The following NUFIP1 variants were observed in gnomAD, a reference collection of about 807,000 sequenced individuals.
NUFIP1 encodes the protein nuclear FMR1 interacting protein 1.
A neutral mutation model predicts 56.2 loss-of-function variants in NUFIP1; 38 were observed. The observed-to-expected ratio is 0.68, with a 90% confidence interval of 0.52 to 0.89. NUFIP1 has a LOEUF of 0.89. NUFIP1 is among the 40% of genes least tolerant of loss of function. The pLI, the probability that NUFIP1 is intolerant of heterozygous loss-of-function variation, is 0.00. For synonymous variants in NUFIP1, 215 were observed against 212.4 expected, an observed-to-expected ratio of 1.01 and a Z score of -0.10; for missense variants, 567 against 605.8, an observed-to-expected ratio of 0.94 and a Z score of 0.67.
chr13:44,954,539 G>A (rs182325133), intron 7 of NUFIP1, among the ~76,000 whole-genome samples: 24 of 152,126 alleles, frequency 1.6e-4, no homozygotes, highest in South Asian at 6.2e-4. Context: ...TGCCTTGTCC[G>A]CTCTAAACAC....
In NUFIP1 at chr13:44,942,671, C is replaced by G. The variant is rs373343022; in HGVS notation, c.1371+771G>C. Among the ~76,000 whole-genome samples, 7 of 152,298 alleles carry G rather than the reference C, an allele frequency of 4.6e-5. No individual in the cohort carries two copies. The East Asian group carries it at 5.8e-4, about 13-fold the overall frequency. The stretch of plus-strand genomic sequence containing the variant: ...ATGAAAATCTTTGATTTTCAAACAG[C>G]TTCATGTCCACTACTGAGAACTTGA... On this transcript the variant is annotated intron_variant, in intron 9 of 9. Transcript: ENST00000379161.
chr13:44,947,763 T>A (rs1870946116), intron 8 of NUFIP1, among the ~76,000 whole-genome samples: 1 of 152,200 alleles, frequency 6.6e-6, no homozygotes, highest in African/African-American at 2.4e-5. Context: ...TCACCTGTTA[T>A]GAATACAACT....
In NUFIP1 at chr13:44,965,933, G is replaced by C; in HGVS notation, c.738C>G (p.Asn246Lys). The C allele has an allele frequency of 6.5e-7, 1 of 1,542,040 alleles. No homozygotes were observed. Among genetic ancestry groups the C allele is most frequent in the Non-Finnish European group, 8.8e-7 (1 of 1,141,916 alleles). The change falls in exon 6 of 10, where the codon AAC (asparagine) becomes AAG (lysine). Residue 246 changes from asparagine to lysine, a missense_variant. By Grantham distance (94) the Asn-to-Lys change is moderately conservative (BLOSUM62 0). Coordinates refer to ENST00000379161, the MANE Select transcript of NUFIP1 (RefSeq NM_012345.3). ...TTTCAATATTGGCCAGAGTTGGATA[G>C]TTTCTAGAAAATAATAAAAGTTAAT... ...IARWREERRKNYPTLANIERK... is the reference protein window; with the variant it reads ...IARWREERRKKYPTLANIERK...
At chr13:44,949,392 G>A (rs534838714) in intron 8 of NUFIP1, among the ~76,000 whole-genome samples, 7 of 151,074 alleles carry the variant, frequency 4.6e-5, no homozygotes, top group East Asian at 1.9e-4. Context: ...TAGTAGAGAC[G>A]GGGTTTCACC....
chr13:44,967,309 A>G (rs1871638756), intron 5 of NUFIP1, among the ~76,000 whole-genome samples: 1 of 152,056 alleles, frequency 6.6e-6, no homozygotes, highest in East Asian at 1.9e-4. Context: ...GGAGTTCGAG[A>G]CCAGCCTGGC....
chr13:44,956,392 T>C (rs1464053573), intron 7 of NUFIP1, among the ~76,000 whole-genome samples: 1 of 152,142 alleles, frequency 6.6e-6, no homozygotes, highest in African/African-American at 2.4e-5. Context: ...TGGAAGACAA[T>C]TTTTCCAAAG....
chr13:44,968,923 G>A (rs1412719114), intron 5 of NUFIP1, among the ~76,000 whole-genome samples: 1 of 152,258 alleles, frequency 6.6e-6, no homozygotes, highest in Non-Finnish European at 1.5e-5. Flanking sequence ...GATGTGATGT[G>A]TAGAAACTCC....
chr13:44,975,344 A>G (rs952691939), intron 5 of NUFIP1, among the ~76,000 whole-genome samples: 3 of 152,034 alleles, frequency 2.0e-5, no homozygotes, highest in African/African-American at 7.3e-5. Context: ...CAGACTCAAC[A>G]ATGTCCAACC....
Position 44,980,761 on chromosome 13 carries a change from A to T in NUFIP1, c.555T>A (p.Asn185Lys). 6.2e-7 allele frequency: 1 copy of T among 1,604,184 alleles called. No homozygotes were observed. The highest frequency in any genetic ancestry group is 8.5e-7 in the Non-Finnish European group (1 of 1,178,218). The change falls in exon 3 of 10, where the codon AAT becomes AAA. Residue 185 changes from asparagine to lysine, a missense_variant. By Grantham distance (94) the Asn-to-Lys change is moderately conservative. Transcript: ENST00000379161. ...ACATGTGTTTGTCATACTTTTCTTG[A>T]TTTTTAAAACCACGATCACAGGTAT... ...FCDTCDRGFK[N>K]QEKYDKHMSE...
intron 7 of NUFIP1, among the ~76,000 whole-genome samples, chr13:44,959,019 G>A (rs1382074062): frequency 6.6e-6 from 1 of 152,182 alleles, no homozygotes; most frequent in Non-Finnish European, 1.5e-5. Flanking sequence ...ACTTCCGTTA[G>A]AATTGCTGCT....
intron 7 of NUFIP1, among the ~76,000 whole-genome samples, chr13:44,951,591 T>C (rs1483319796): frequency 6.6e-6 from 1 of 152,312 alleles, no homozygotes. Flanking sequence ...TATAGCTCCA[T>C]TTCTTTCCTC....
chr13:44,949,743 C>A lies in NUFIP1; in HGVS notation c.1117G>T (p.Gly373Trp). ...TTACCTTCTGGCTCACTCTCTGACC[C>A]TGAAAGACTGCCATAGCTACTCATT... ...SLMSSYGSLS[G>W]SESEPEETPI... Residue 373 changes from glycine (G) to tryptophan (W), a missense_variant, in exon 8 of 10, where the codon GGG becomes TGG. Transcript: ENST00000379161. 6.2e-7 allele frequency: 1 copy of A among 1,610,938 alleles called. No individual in the cohort carries two copies.
chr13:44,955,985 T>C (rs1254198533), intron 7 of NUFIP1, among the ~76,000 whole-genome samples: 2 of 151,140 alleles, frequency 1.3e-5, no homozygotes, highest in Admixed American at 6.6e-5. Context: ...CTACTAAAAA[T>C]ACAAAAAATT....
At chr13:44,988,922 A>T in intron 1 of NUFIP1, 103 bp downstream of exon 1, 1 of 1,167,118 alleles carries the variant, frequency 8.6e-7, no homozygotes, top group Non-Finnish European at 1.2e-6. Context: ...AGACTCCAAG[A>T]GTGCAGAGGC....
intron 6 of NUFIP1, among the ~76,000 whole-genome samples, chr13:44,959,808 G>A (rs186884163): frequency 3.9e-5 from 6 of 152,132 alleles, no homozygotes; most frequent in African/African-American, 1.2e-4. Flanking sequence ...TTGATTCTAC[G>A]CTGCAAATTT....
In NUFIP1 at chr13:44,965,367, A is replaced by G. The variant is rs78884682; in HGVS notation, c.827+477T>C. 8.5e-3 allele frequency among the ~76,000 whole-genome samples: 1,288 copies of G among 152,352 alleles called. 115 individuals are homozygous for G. In the East Asian group the frequency reaches 0.19, roughly 23 times the overall value. On this transcript the variant is annotated intron_variant, in intron 6 of 9. Transcript: ENST00000379161. ...CAGCAGCGTGAAAATGGACTAATAC[A>G]GCACCCAATAATGTAAAATTTCCAG...
chr13:44,950,830 T>C (rs1288212684), intron 7 of NUFIP1, among the ~76,000 whole-genome samples: 2 of 152,198 alleles, frequency 1.3e-5, no homozygotes, highest in Non-Finnish European at 2.9e-5. Flanking sequence ...TCTAACAATC[T>C]AGTAACTCTA....
At chr13:44,966,327 A>T (rs1322694954) in intron 5 of NUFIP1, among the ~76,000 whole-genome samples, 1 of 151,818 alleles carries the variant, frequency 6.6e-6, no homozygotes, top group Non-Finnish European at 1.5e-5. Flanking sequence ...TTATTTATTT[A>T]TTTTTGAGTC....
At chr13:44,967,634 T>C (rs921006828) in intron 5 of NUFIP1, among the ~76,000 whole-genome samples, 1 of 152,208 alleles carries the variant, frequency 6.6e-6, no homozygotes, top group African/African-American at 2.4e-5. Context: ...AATACCAAAC[T>C]AGAAAGTTTA....
Sources: gnomAD v4.1 joint callset for allele counts (sites outside exome capture counted in the v4.1 genomes callset) on GRCh38, gnomAD v4.1.1 for gene constraint, MANE v1.5 for transcripts, NCBI Gene and HGNC (gene_info 2026-07-23, HGNC 2026-07-21) for gene names.